ANAPC4: variants seen among roughly 807,000 people sequenced by gnomAD.
The protein encoded by ANAPC4 is anaphase-promoting complex subunit 4.
A neutral mutation model predicts 119.8 loss-of-function variants in ANAPC4; 63 were observed. The ratio of observed to expected loss-of-function variants is 0.53; its 90% CI spans 0.43 to 0.65. The LOEUF (loss-of-function observed/expected upper bound fraction) is 0.65. Ranked by LOEUF, ANAPC4 falls within the 30% of genes least tolerant of loss-of-function variation. The probability of loss-of-function intolerance (pLI) is 0.00; values close to 1 mark genes in which losing one functional copy is unlikely to be tolerated. For synonymous variants in ANAPC4, 283 were observed against 318.6 expected (o/e 0.89, Z 1.19); for missense variants, 716 against 945.1 (o/e 0.76, Z 3.18).
Position 25,414,625 on chromosome 4 carries a change from A to T in ANAPC4, c.1751A>T (p.His584Leu). The change falls in exon 25 of 29, where the codon CAT becomes CTT. Residue 584 changes from histidine (H) to leucine (L), a missense_variant. His to Leu is a moderately conservative substitution (Grantham distance 99, BLOSUM62 -3). Coordinates refer to ENST00000315368, the MANE Select transcript of ANAPC4 (RefSeq NM_013367.3). ...FLWNNKTSNL[H>L]YLLFTILEDS... Reference sequence around the variant, plus strand: ...TGGAATAATAAAACTTCAAATCTACATTATCTTCTTTTTACTATTCTAGAA... The same window carrying T: ...TGGAATAATAAAACTTCAAATCTACTTTATCTTCTTTTTACTATTCTAGAA... The T allele has an allele frequency of 6.4e-7, 1 of 1,555,084 alleles. No homozygotes were observed. Among genetic ancestry groups the T allele is most frequent in the Non-Finnish European group, 8.7e-7 (1 of 1,145,402 alleles).
At chr4:25,380,216 T>C (rs1721633232) in intron 2 of ANAPC4, among the ~76,000 whole-genome samples, 158 bp from the exon 3 acceptor site, 1 of 152,254 alleles carries the variant, frequency 6.6e-6, no homozygotes, top group Non-Finnish European at 1.5e-5. Flanking sequence ...TTAAAATACC[T>C]TGTGTTCATT....
At chr4:25,392,740 C>A (rs1021420518) in intron 10 of ANAPC4, among the ~76,000 whole-genome samples, 1 of 152,174 alleles carries the variant, frequency 6.6e-6, no homozygotes, top group African/African-American at 2.4e-5. Flanking sequence ...AAACCCACCC[C>A]AAATTACCTC....
chr4:25,384,670 G>A (rs557092421), intron 4 of ANAPC4, among the ~76,000 whole-genome samples: 3 of 152,134 alleles, frequency 2.0e-5, no homozygotes, highest in South Asian at 2.1e-4. Flanking sequence ...TTAGCCAGGC[G>A]TGGTAGCTAT....
At position 25,394,774 on chromosome 4, in the gene ANAPC4, G is replaced by A. The variant is rs1225426947; in HGVS notation, c.985-55G>A. 14 of 1,576,614 alleles carry A rather than the reference G, an allele frequency of 8.9e-6. No homozygotes were observed. In the Admixed American group the frequency reaches 9.5e-5, roughly 11 times the overall value. ...GAACACATTCTTAATTTTTTTTTTC[G>A]AGTGGCATATAATATCCTGATTGTA... is the stretch of plus-strand genomic sequence containing the variant. On this transcript the variant is annotated intron_variant, in intron 13 of 28. Transcript: ENST00000315368.
intron 10 of ANAPC4, among the ~76,000 whole-genome samples, chr4:25,392,917 A>G (rs934595136): frequency 3.3e-5 from 5 of 152,268 alleles, no homozygotes; most frequent in Admixed American, 2.0e-4. Flanking sequence ...GCGAGCCAGC[A>G]CAGGCTTGTC....
In ANAPC4 at chr4:25,418,197, A is replaced by G. The variant is rs1723985664; in HGVS notation, c.2242A>G (p.Ile748Val). The G allele has an allele frequency of 7.4e-6, 12 of 1,614,086 alleles. No individual in the cohort carries two copies. Among genetic ancestry groups the G allele is most frequent in the South Asian group, 3.3e-5 (3 of 91,088 alleles). ...TCATGTGAGAGTATTTGAAATGGAC[A>G]TAGATGATGAATGGGAGCTCGATGA... ...LRHVRVFEMD[I>V]DDEWELDESS... Residue 748 changes from isoleucine to valine, a missense_variant, in exon 29 of 29, where the codon ATA (isoleucine) becomes GTA (valine). Ile to Val is a conservative substitution (Grantham distance 29). Coordinates refer to ENST00000315368, the MANE Select transcript of ANAPC4 (RefSeq NM_013367.3).
intron 2 of ANAPC4, among the ~76,000 whole-genome samples, chr4:25,377,914 A>T (rs899385599): frequency 1.3e-5 from 2 of 152,264 alleles, no homozygotes; most frequent in Non-Finnish European, 2.9e-5. Context: ...TGAGCTAGAC[A>T]TAATGGTAGA....
At chr4:25,417,760 C>T (rs1452285569) in intron 28 of ANAPC4, 21 bp downstream of exon 28, 2 of 1,589,686 alleles carry the variant, frequency 1.3e-6, no homozygotes, top group African/African-American at 2.7e-5. Flanking sequence ...AGAGATCGTT[C>T]AGCAACTAAG....
At chr4:25,385,049 G>T (rs183255983) in intron 4 of ANAPC4, among the ~76,000 whole-genome samples, 7 of 152,250 alleles carry the variant, frequency 4.6e-5, no homozygotes, top group African/African-American at 1.7e-4. Flanking sequence ...AGGCTTTGTT[G>T]TTCCATTTAT....
At chr4:25,407,034 A>C (rs1274044271) in intron 19 of ANAPC4, 149 bp downstream of exon 19, 1 of 898,234 alleles carries the variant, frequency 1.1e-6, no homozygotes, top group Non-Finnish European at 1.7e-6. Flanking sequence ...GTTTATAAAC[A>C]TAGTCAATAA....
At chr4:25,386,169 T>C (rs1457903936) in intron 4 of ANAPC4, among the ~76,000 whole-genome samples, 1 of 152,094 alleles carries the variant, frequency 6.6e-6, no homozygotes, top group African/African-American at 2.4e-5. Context: ...CGCTTCGGCC[T>C]CCCAAAGTGC....
intron 2 of ANAPC4, among the ~76,000 whole-genome samples, chr4:25,379,847 C>T (rs1240524284): frequency 6.6e-6 from 1 of 152,128 alleles, no homozygotes; most frequent in African/African-American, 2.4e-5. Flanking sequence ...TTCTTCCTTA[C>T]TGTCAATGGT....
intron 2 of ANAPC4, among the ~76,000 whole-genome samples, chr4:25,380,081 T>A (rs1404842078): frequency 6.6e-6 from 1 of 152,228 alleles, no homozygotes; most frequent in Non-Finnish European, 1.5e-5. Context: ...TAGTGGTGTT[T>A]GTGTTCTTTT....
chr4:25,410,808 G>C lies in ANAPC4; in HGVS notation c.1525+1017G>C, dbSNP rs541788650. 3.3e-5 allele frequency among the ~76,000 whole-genome samples: 5 copies of C among 152,248 alleles called. No homozygotes were observed. The East Asian group carries it at 9.6e-4, about 29-fold the overall frequency. On this transcript the variant is annotated intron_variant, in intron 21 of 28. Transcript: ENST00000315368. ...CAAGCACAAAATTATTAAATATATT[G>C]TATAAGATGTACATGAAGCATAAAT...
intron 2 of ANAPC4, among the ~76,000 whole-genome samples, chr4:25,377,838 GTCT>G (rs914520902): frequency 8.5e-5 from 13 of 152,194 alleles, no homozygotes; most frequent in African/African-American, 2.9e-4. Flanking sequence ...GCTTCCCCAA[GTCT>G]TCTTCACTCA....
intron 2 of ANAPC4, among the ~76,000 whole-genome samples, 177 bp downstream of exon 2, chr4:25,377,733 A>T (rs1360434706): frequency 6.6e-6 from 1 of 152,190 alleles, no homozygotes; most frequent in Non-Finnish European, 1.5e-5. Context: ...AGTAAACTTT[A>T]AGTATATATG....
chr4:25,417,077 AG>A lies in ANAPC4; in HGVS notation c.2075+480del, dbSNP rs567407115. On this transcript the variant is annotated intron_variant, in intron 27 of 28. Transcript: ENST00000315368. The stretch of plus-strand genomic sequence containing the variant: ...CATTTGCTTTCTTTGAAAGGGAGTC[AG>A]AAACCTTGCTAAGATGATATTCTGC... 399 of 153,076 alleles carry A rather than the reference AG, an allele frequency of 2.6e-3. 1 individual carries two copies. Among genetic ancestry groups the A allele is most frequent in the Non-Finnish European group, 4.5e-3 (309 of 68,598 alleles). The allele number at this position is 153,076 out of a possible 1,614,324, so 9.5% of individuals were successfully genotyped here. A position where few individuals can be genotyped will look rare whatever the true frequency, so the allele number is the denominator to read the frequency against.
rs1187689497 is a variant in ANAPC4, at chr4:25,416,107, A to C, written c.1902-318A>C. On this transcript the variant is annotated intron_variant, in intron 26 of 28. Transcript: ENST00000315368. ...GTCTAGTCAACTCTGCTGAATGTGT[A>C]TATAAGGTGTCATTCATAGAATTTC... is the stretch of plus-strand genomic sequence containing the variant. 8 of 202,182 alleles carry C rather than the reference A, an allele frequency of 4.0e-5. No individual in the cohort carries two copies. In the East Asian group the frequency reaches 9.2e-4, roughly 23 times the overall value. The allele number at this position is 202,182 out of a possible 1,614,324, so 12.5% of individuals were successfully genotyped here. A position where few individuals can be genotyped will look rare whatever the true frequency, so the allele number is the denominator to read the frequency against.
At chr4:25,388,780 T>C in intron 6 of ANAPC4, 37 bp downstream of exon 6, 2 of 1,603,404 alleles carry the variant, frequency 1.2e-6, no homozygotes, top group Non-Finnish European at 1.7e-6. Flanking sequence ...AGTAAGATAA[T>C]CTGCTATTAT....
Sources: allele counts gnomAD v4.1 joint callset (sites outside exome capture counted in the v4.1 genomes callset), GRCh38; gene constraint gnomAD v4.1.1; transcripts MANE v1.5; gene names NCBI Gene and HGNC (gene_info 2026-07-23, HGNC 2026-07-21).